Variants in MPPED1 observed in about 807,000 individuals in gnomAD.
MPPED1 encodes metallophosphoesterase domain containing 1.
In MPPED1, 16 loss-of-function variants were observed where a neutral mutation model predicts 36.2. The observed-to-expected ratio is 0.44, with a 90% confidence interval of 0.30 to 0.67. MPPED1 has a LOEUF of 0.67. Among genes scored for constraint, MPPED1 ranks in the 30% least tolerant of loss-of-function variants. The pLI, the probability that MPPED1 is intolerant of heterozygous loss-of-function variation, is 0.10. For synonymous variants in MPPED1, 199 were observed against 191.3 expected (o/e 1.04, Z -0.33); for missense variants, 307 against 453.4 (o/e 0.68, Z 2.93).
intron 2 of MPPED1, among the ~76,000 whole-genome samples, chr22:43,434,040 G>A (rs1024293863): frequency 6.6e-6 from 1 of 152,206 alleles, no homozygotes; most frequent in African/African-American, 2.4e-5. Context: ...CTTAGCCCAC[G>A]TCCACATTTC....
intron 4 of MPPED1, among the ~76,000 whole-genome samples, chr22:43,478,369 C>T (rs559498313): frequency 1.3e-5 from 2 of 152,268 alleles, no homozygotes; most frequent in African/African-American, 4.8e-5. Context: ...GCCAGGGAGA[C>T]CCTGGGGACA....
chr22:43,424,391 G>A lies in MPPED1; in HGVS notation c.-78-517G>A, dbSNP rs111553467. Among the ~76,000 whole-genome samples the A allele has an allele frequency of 6.0e-3, 913 of 152,282 alleles. 8 individuals are homozygous for A. Among genetic ancestry groups the A allele is most frequent in the African/African-American group, 0.019 (810 of 41,546 alleles). On this transcript the variant is annotated intron_variant, in intron 1 of 6. Coordinates refer to ENST00000443721, the MANE Select transcript of MPPED1 (RefSeq NM_001044370.2). ...GATGTCGAGGGAGGAATTTTCGCCC[G>A]TGCTGTCTCCACCTGCTCAGGCTTG... is the stretch of plus-strand genomic sequence containing the variant.
At position 43,498,223 on chromosome 22, in the gene MPPED1, C is replaced by T. The variant is rs1183169341; in HGVS notation, c.633-12C>T. 3.3e-6 allele frequency: 5 copies of T among 1,533,190 alleles called. No homozygotes were observed. Among genetic ancestry groups the T allele is most frequent in the Middle Eastern group, 1.7e-4 (1 of 6,002 alleles). 95.0% of individuals were successfully genotyped at this position (1,533,190 alleles called of 1,614,324 possible). On this transcript the variant is annotated splice_polypyrimidine_tract_variant and intron_variant, in intron 4 of 6. Coordinates refer to ENST00000443721, the MANE Select transcript of MPPED1 (RefSeq NM_001044370.2). ...ACCCGCCCTCCCTCAAACACCTGCA[C>T]TTCTTCTACAGGCAGCCCTGGTTCT... is the stretch of plus-strand genomic sequence containing the variant.
intron 1 of MPPED1, among the ~76,000 whole-genome samples, chr22:43,423,144 C>T (rs1278507344): frequency 6.6e-6 from 1 of 152,210 alleles, no homozygotes; most frequent in Non-Finnish European, 1.5e-5. Context: ...GCCTCAAATC[C>T]ATCTTCTAGA....
At chr22:43,434,976 C>A in intron 2 of MPPED1, 58 bp from the exon 3 acceptor site, 8 of 1,560,110 alleles carry the variant, frequency 5.1e-6, no homozygotes, top group Non-Finnish European at 7.0e-6. Flanking sequence ...GCAGACACAC[C>A]ACCCGCAGGC....
chr22:43,451,331 A>C (rs1473498369), intron 3 of MPPED1, among the ~76,000 whole-genome samples: 8 of 152,310 alleles, frequency 5.3e-5, no homozygotes, highest in Non-Finnish European at 8.8e-5. Flanking sequence ...ACTACTATTA[A>C]TATCATCCAA....
chr22:43,422,614 G>T (rs1332082382), intron 1 of MPPED1, among the ~76,000 whole-genome samples: 1 of 152,116 alleles, frequency 6.6e-6, no homozygotes, highest in Non-Finnish European at 1.5e-5. Context: ...CCTGGAACTG[G>T]CCCCTTGGTT....
rs201093627 is a variant in MPPED1, at chr22:43,474,942, C to T, written c.613C>T (p.Arg205Trp). Residue 205 changes from arginine (R) to tryptophan (W), a missense_variant, in exon 4 of 7, where the codon CGG (arginine) becomes TGG (tryptophan). Physicochemically the swap from Arg to Trp is moderately radical, Grantham distance 101. Coordinates refer to ENST00000443721, the MANE Select transcript of MPPED1 (RefSeq NM_001044370.2). The surrounding 1 kb of genome is among the most constrained non-coding windows in gnomAD (Gnocchi z 5.2). The stretch of plus-strand genomic sequence containing the variant: ...CTCGGAGGTCACCGTGCGGGGCTTC[C>T]GGATCTATGGCTCCCCATGGTGAGT... Reference protein sequence around the residue: ...QDSEVTVRGFRIYGSPWQPWF... With the variant: ...QDSEVTVRGFWIYGSPWQPWF... 7 of 1,613,824 alleles carry T rather than the reference C, an allele frequency of 4.3e-6. No homozygotes were observed. The highest frequency in any genetic ancestry group is 2.2e-5 in the South Asian group (2 of 91,086).
In MPPED1 at chr22:43,502,863, C is replaced by T. The variant is rs1932760869; in HGVS notation, c.862+106C>T. The T allele has an allele frequency of 1.1e-6, 1 of 939,032 alleles. No homozygotes were observed. The highest frequency in any genetic ancestry group is 1.4e-5 in the South Asian group (1 of 72,920). 58.2% of individuals were successfully genotyped at this position (939,032 alleles called of 1,614,324 possible). On this transcript the variant is annotated intron_variant, in intron 6 of 6. Transcript: ENST00000443721. The surrounding 1 kb of genome is among the most constrained non-coding windows in gnomAD (Gnocchi z 5.5). ...CCAGAAGGGAAATAAATAGCCCATT[C>T]CTACTGTTCGCTTTGTAACTGCTAA...
chr22:43,500,808 G>A (rs1002218876), intron 5 of MPPED1, among the ~76,000 whole-genome samples: 1 of 152,092 alleles, frequency 6.6e-6, no homozygotes, highest in Non-Finnish European at 1.5e-5. Context: ...CACATTCGGG[G>A]GTGAGGGAAG....
chr22:43,434,254 A>G (rs1929870371), intron 2 of MPPED1, among the ~76,000 whole-genome samples: 1 of 152,254 alleles, frequency 6.6e-6, no homozygotes, highest in Non-Finnish European at 1.5e-5. Context: ...TTCTGACTCC[A>G]GGAGTGTTTT....
At chr22:43,505,425 A>T (rs1331254950) in intron 6 of MPPED1, 73 bp from the exon 7 acceptor site, 1 of 1,377,278 alleles carries the variant, frequency 7.3e-7, no homozygotes, top group Non-Finnish European at 1.0e-6. Flanking sequence ...TGAGTGCCCT[A>T]TGACTGCCAC....
intron 3 of MPPED1, among the ~76,000 whole-genome samples, chr22:43,463,124 A>G (rs1028060467): frequency 4.0e-5 from 6 of 151,174 alleles, no homozygotes; most frequent in African/African-American, 1.5e-4. Flanking sequence ...GGGATTTCTC[A>G]TCCTTTATAT....
chr22:43,420,387 G>A (rs915499883), intron 1 of MPPED1, among the ~76,000 whole-genome samples: 2 of 151,946 alleles, frequency 1.3e-5, no homozygotes, highest in African/African-American at 4.8e-5. Context: ...GGTGTGTGAG[G>A]TGATGCCGCT....
chr22:43,498,197 C>A (rs1301486556), intron 4 of MPPED1, 38 bp from the exon 5 acceptor site: 2 of 1,496,342 alleles, frequency 1.3e-6, no homozygotes, highest in East Asian at 2.5e-5. Context: ...CCTGTACTTT[C>A]ACCCGCCCTC....
chr22:43,496,482 A>T (rs1157252042), intron 4 of MPPED1, among the ~76,000 whole-genome samples: 1 of 26,272 alleles, frequency 3.8e-5, no homozygotes. Flanking sequence ...GTGGTGGTGG[A>T]GATGGTGGTG....
chr22:43,486,051 C>T (rs993670605), intron 4 of MPPED1, among the ~76,000 whole-genome samples: 11 of 152,220 alleles, frequency 7.2e-5, no homozygotes, highest in Non-Finnish European at 1.6e-4. Context: ...GGGCAAACCC[C>T]TCTCACCAGG....
chr22:43,491,648 T>G (rs867620503), intron 4 of MPPED1, among the ~76,000 whole-genome samples: 1,402 of 43,256 alleles, frequency 0.032, no homozygotes, highest in Middle Eastern at 0.058. Context: ...AGGTGGTGGT[T>G]ATGGAGGTGG....
intron 2 of MPPED1, among the ~76,000 whole-genome samples, chr22:43,430,095 G>T (rs1370171907): frequency 6.6e-6 from 1 of 152,188 alleles, no homozygotes; most frequent in Non-Finnish European, 1.5e-5. Flanking sequence ...GAGAGGAAGG[G>T]ACTAGAGGTC....
Sources: allele counts gnomAD v4.1 joint callset (sites outside exome capture counted in the v4.1 genomes callset), GRCh38; gene constraint gnomAD v4.1.1; non-coding constraint Gnocchi (gnomAD v3.1); transcripts MANE v1.5; gene names NCBI Gene and HGNC (gene_info 2026-07-23, HGNC 2026-07-21).